The following CCDC91 variants were observed in gnomAD, a reference collection of about 807,000 sequenced individuals.
CCDC91 encodes the protein coiled-coil domain-containing protein 91.
CCDC91 carries 48 observed loss-of-function variants against 63.2 expected under a neutral mutation model. The observed-to-expected ratio is 0.76, with a 90% CI of 0.60 to 0.97. The LOEUF is 0.97. CCDC91 is among the 50% of genes least tolerant of loss of function. The pLI is 0.00. For synonymous variants in CCDC91, 167 were observed against 165.8 expected (o/e 1.01, Z -0.06); for missense variants, 500 against 494.6 (o/e 1.01, Z -0.10).
chr12:28,408,014 C>T (rs1225493733), intron 8 of CCDC91, among the ~76,000 whole-genome samples: 2 of 149,436 alleles, frequency 1.3e-5, no homozygotes, highest in Non-Finnish European at 3.0e-5. Flanking sequence ...ATGTGCAGAA[C>T]GTGCAGGTTT....
chr12:28,417,875 C>T (rs1475024135), intron 8 of CCDC91, among the ~76,000 whole-genome samples: 2 of 151,950 alleles, frequency 1.3e-5, no homozygotes, highest in Non-Finnish European at 2.9e-5. Flanking sequence ...TCCAGTGCAC[C>T]TATGTTGTAT....
chr12:28,318,908 G>C (rs1301401681), intron 6 of CCDC91, among the ~76,000 whole-genome samples: 1 of 151,960 alleles, frequency 6.6e-6, no homozygotes, highest in Non-Finnish European at 1.5e-5. Flanking sequence ...TAAAGTAGTT[G>C]CTAGTACTTC....
At chr12:28,284,096 A>G (rs993140465) in intron 3 of CCDC91, among the ~76,000 whole-genome samples, 1 of 152,114 alleles carries the variant, frequency 6.6e-6, no homozygotes, top group Non-Finnish European at 1.5e-5. Flanking sequence ...AATTGTAAAC[A>G]TTCATGATAC....
At chr12:28,448,684 A>G (rs952670309) in intron 8 of CCDC91, among the ~76,000 whole-genome samples, 3 of 152,038 alleles carry the variant, frequency 2.0e-5, no homozygotes, top group Admixed American at 2.0e-4. Context: ...TTGTTTTCTA[A>G]GTTATTAATA....
chr12:28,303,199 G>A (rs1645851754), intron 3 of CCDC91, among the ~76,000 whole-genome samples: 1 of 152,040 alleles, frequency 6.6e-6, no homozygotes, highest in Non-Finnish European at 1.5e-5. Context: ...CAGATCCAGT[G>A]GAGTTATGAA....
intron 11 of CCDC91, among the ~76,000 whole-genome samples, chr12:28,468,246 C>CACT (rs1950637955): frequency 6.6e-6 from 1 of 150,638 alleles, no homozygotes; most frequent in African/African-American, 2.4e-5. Context: ...AAAAAGGAGA[C>CACT]ACTACATCTG....
chr12:28,364,278 T>C (rs1435372463), intron 7 of CCDC91, among the ~76,000 whole-genome samples: 1 of 151,698 alleles, frequency 6.6e-6, no homozygotes, highest in African/African-American at 2.4e-5. Context: ...CCCAGCTACT[T>C]GGGGGAGGCT....
At position 28,220,229 on chromosome 12, in the gene CCDC91, A is replaced by G. The variant is rs115476912; in HGVS notation, c.-15+29588A>G. On this transcript the variant is annotated intron_variant, in intron 1 of 12. Transcript: ENST00000536442. ...AGGATGCTTTTAATGATTTCATTTTAGACCGATTATGGACTTCCTAGGTGT... is the reference window on the plus strand; with the variant it reads ...AGGATGCTTTTAATGATTTCATTTTGGACCGATTATGGACTTCCTAGGTGT... Among the ~76,000 whole-genome samples the G allele has an allele frequency of 4.5e-3, 687 of 152,134 alleles. 8 individuals are homozygous for G. The highest frequency in any genetic ancestry group is 0.014 in the African/African-American group (580 of 41,536).
chr12:28,202,482 G>C (rs73082001), intron 1 of CCDC91, among the ~76,000 whole-genome samples: 3 of 140,438 alleles, frequency 2.1e-5, no homozygotes, highest in African/African-American at 7.7e-5. Flanking sequence ...TGTAAACTTT[G>C]TATTCTTTTA....
intron 9 of CCDC91, 31 bp from the exon 10 acceptor site, chr12:28,450,319 A>G (rs1369366549): frequency 3.1e-6 from 5 of 1,595,546 alleles, no homozygotes; most frequent in Non-Finnish European, 1.7e-6. Context: ...AATACATTTA[A>G]TGTCTTTCCA....
chr12:28,490,639 G>A (rs1951949353), intron 12 of CCDC91, among the ~76,000 whole-genome samples: 1 of 151,776 alleles, frequency 6.6e-6, no homozygotes, highest in Non-Finnish European at 1.5e-5. Context: ...GGTTAGTGAA[G>A]GCAATGAAGT....
chr12:28,531,532 G>A (rs1208305708), intron 12 of CCDC91, among the ~76,000 whole-genome samples: 2 of 152,072 alleles, frequency 1.3e-5, no homozygotes, highest in Non-Finnish European at 2.9e-5. Flanking sequence ...AATAGATAAT[G>A]TAAAATTTAA....
chr12:28,255,989 A>G (rs1207592125), intron 1 of CCDC91: 3 of 152,136 alleles, frequency 2.0e-5, no homozygotes, highest in East Asian at 1.9e-4. Flanking sequence ...ATGTATAGCT[A>G]TTTTTATTTT....
chr12:28,549,259 T>G lies in CCDC91; in HGVS notation c.*86T>G. The G allele has an allele frequency of 1.3e-6, 1 of 749,366 alleles. No individual in the cohort carries two copies. The highest frequency in any genetic ancestry group is 2.4e-4 in the Middle Eastern group (1 of 4,144). 46.4% of individuals were successfully genotyped at this position (749,366 alleles called of 1,614,324 possible). A position where few individuals can be genotyped will look rare whatever the true frequency, so the allele number is the denominator to read the frequency against. The stretch of plus-strand genomic sequence containing the variant: ...ACTCTGAATTATAAAGATGTGTTTG[T>G]TTTCTTTCCAAATCATGTAGAATTG... On this transcript the variant is annotated 3_prime_UTR_variant, in exon 13 of 13. Coordinates refer to ENST00000536442, the MANE Select transcript of CCDC91 (RefSeq NM_018318.5).
At chr12:28,240,752 T>G (rs1483565850) in intron 1 of CCDC91, among the ~76,000 whole-genome samples, 1 of 152,156 alleles carries the variant, frequency 6.6e-6, no homozygotes, top group South Asian at 2.1e-4. Flanking sequence ...GTGGCACAGT[T>G]TGTTTAACCA....
intron 1 of CCDC91, among the ~76,000 whole-genome samples, chr12:28,251,517 A>G (rs1946115746): frequency 6.6e-6 from 1 of 152,078 alleles, no homozygotes; most frequent in African/African-American, 2.4e-5. Context: ...TGATAGAACT[A>G]ATAGGTAGCT....
intron 7 of CCDC91, among the ~76,000 whole-genome samples, chr12:28,375,573 T>C (rs541460920): frequency 6.6e-6 from 1 of 152,092 alleles, no homozygotes; most frequent in South Asian, 2.1e-4. Flanking sequence ...ACTAACCTAA[T>C]GTGCCTCATA....
Position 28,396,662 on chromosome 12 carries a change from G to A in CCDC91, c.762+5251G>A, listed in dbSNP as rs58282915. On this transcript the variant is annotated intron_variant, in intron 8 of 12. Coordinates refer to ENST00000536442, the MANE Select transcript of CCDC91 (RefSeq NM_018318.5). ...GGAGATTTTGTGTGTGTGTGTGTGT[G>A]TGTGTGTGTGTGTGTGTGGGCATGT... Among the ~76,000 whole-genome samples the A allele has an allele frequency of 2.4e-4, 36 of 151,540 alleles. No individual in the cohort carries two copies. In the East Asian group the frequency reaches 2.5e-3, roughly 11 times the overall value.
intron 1 of CCDC91, among the ~76,000 whole-genome samples, chr12:28,242,865 A>G (rs1159157988): frequency 2.6e-5 from 4 of 151,944 alleles, no homozygotes; most frequent in Admixed American, 2.6e-4. Context: ...TTATCCTGAG[A>G]TCTGGTTTAA....
Sources: gnomAD v4.1 joint callset for allele counts (sites outside exome capture counted in the v4.1 genomes callset) on GRCh38, gnomAD v4.1.1 for gene constraint, MANE v1.5 for transcripts, NCBI Gene and HGNC (gene_info 2026-07-23, HGNC 2026-07-21) for gene names.